STK4: variants seen among roughly 807,000 people sequenced by gnomAD.
STK4 encodes the protein serine/threonine kinase 4, also known as serine/threonine-protein kinase 4.
A neutral mutation model predicts 64.9 loss-of-function variants in STK4; 30 were observed. The ratio of observed to expected loss-of-function variants is 0.46; its 90% confidence interval spans 0.35 to 0.63. The LOEUF (loss-of-function observed/expected upper bound fraction) is 0.63, where lower values mean the gene tolerates loss of function less well. STK4 is among the 20% of genes least tolerant of loss of function. The pLI is 0.01. For missense variants in STK4, 466 were observed against 598.5 expected (o/e 0.78, Z 2.31); for synonymous variants, 177 against 199.0 (o/e 0.89, Z 0.93).
At chr20:45,008,907 A>C (rs551845493) in intron 9 of STK4, among the ~76,000 whole-genome samples, 8 of 151,482 alleles carry the variant, frequency 5.3e-5, no homozygotes, top group Non-Finnish European at 1.0e-4. Flanking sequence ...GATTTGTGTA[A>C]ATTTTTTTTT....
Position 44,966,545 on chromosome 20 carries a change from G to A in STK4, c.-24G>A. 1.6e-6 allele frequency: 2 copies of A among 1,265,776 alleles called. No homozygotes were observed. The highest frequency in any genetic ancestry group is 2.0e-6 in the Non-Finnish European group (2 of 996,148). The allele number at this position is 1,265,776 out of a possible 1,614,324, so 78.4% of individuals were successfully genotyped here. On this transcript the variant is annotated 5_prime_UTR_variant, in exon 1 of 11. Coordinates refer to ENST00000372806, the MANE Select transcript of STK4 (RefSeq NM_006282.5). ...CGCGGGAGGATGGAGCAGTGAGCGG[G>A]TCTGGGCGGCTGCTGGCAGCGCCAT...
intron 9 of STK4, among the ~76,000 whole-genome samples, chr20:45,006,753 C>T (rs1352693698): frequency 3.9e-5 from 6 of 152,088 alleles, no homozygotes; most frequent in African/African-American, 1.4e-4. Flanking sequence ...TGATTTTTTC[C>T]ACCTCTTACC....
At chr20:45,026,509 C>T (rs1369900181) in intron 10 of STK4, among the ~76,000 whole-genome samples, 2 of 151,674 alleles carry the variant, frequency 1.3e-5, no homozygotes, top group African/African-American at 2.4e-5. Flanking sequence ...TACAGAACAA[C>T]GAAGAAACAG....
intron 2 of STK4, among the ~76,000 whole-genome samples, chr20:44,977,376 T>C (rs1205150880): frequency 6.6e-6 from 1 of 152,204 alleles, no homozygotes; most frequent in Admixed American, 6.5e-5. Flanking sequence ...GTGGCACTGC[T>C]ATTTTGATTT....
intron 9 of STK4, among the ~76,000 whole-genome samples, chr20:45,002,672 C>T (rs1156352018): frequency 6.6e-6 from 1 of 152,096 alleles, no homozygotes; most frequent in Admixed American, 6.6e-5. Flanking sequence ...AATATAATGA[C>T]CCCTATAGAC....
At chr20:44,994,477 G>T (rs534803092) in intron 5 of STK4, among the ~76,000 whole-genome samples, 2 of 151,142 alleles carry the variant, frequency 1.3e-5, no homozygotes, top group African/African-American at 2.4e-5. Context: ...GCTAGGAAAA[G>T]GTATATATCT....
chr20:45,011,220 A>T (rs114640953), intron 9 of STK4, among the ~76,000 whole-genome samples: 3,816 of 152,228 alleles, frequency 0.025, 141 homozygotes, highest in African/African-American at 0.082. Flanking sequence ...TTGAAGTGAC[A>T]TGAGAGGGTC....
At chr20:44,983,528 G>T (rs1157865915) in intron 4 of STK4, among the ~76,000 whole-genome samples, 1 of 152,082 alleles carries the variant, frequency 6.6e-6, no homozygotes, top group African/African-American at 2.4e-5. Context: ...GGGTTGAAGT[G>T]GGAGGATTGC....
chr20:45,057,352 A>G (rs976595261), intron 10 of STK4, among the ~76,000 whole-genome samples: 2 of 152,230 alleles, frequency 1.3e-5, no homozygotes, highest in African/African-American at 2.4e-5. Flanking sequence ...GAGGTAACAC[A>G]CTATCCCTAT....
chr20:45,027,832 C>T (rs1015166658), intron 10 of STK4, among the ~76,000 whole-genome samples: 3 of 152,208 alleles, frequency 2.0e-5, no homozygotes, highest in African/African-American at 7.2e-5. Flanking sequence ...ACTTTTTTAG[C>T]TCCCACATGA....
intron 10 of STK4, among the ~76,000 whole-genome samples, chr20:45,026,694 A>T (rs1170319540): frequency 1.3e-5 from 2 of 152,192 alleles, no homozygotes; most frequent in Admixed American, 6.5e-5. Flanking sequence ...TTTAAAAGGT[A>T]TTATTCTAGT....
Position 44,966,561 on chromosome 20 carries a change from G to A in STK4, c.-8G>A. ...AGTGAGCGGGTCTGGGCGGCTGCTGGCAGCGCCATGGAGACGGTACAGCTG... is the reference window on the plus strand; with the variant it reads ...AGTGAGCGGGTCTGGGCGGCTGCTGACAGCGCCATGGAGACGGTACAGCTG... On this transcript the variant is annotated 5_prime_UTR_variant, in exon 1 of 11. Coordinates refer to ENST00000372806, the MANE Select transcript of STK4 (RefSeq NM_006282.5). 1 of 1,266,008 alleles carries A rather than the reference G, an allele frequency of 7.9e-7. No individual in the cohort carries two copies. The highest frequency in any genetic ancestry group is 1.0e-6 in the Non-Finnish European group (1 of 996,196). 78.4% of individuals were successfully genotyped at this position (1,266,008 alleles called of 1,614,324 possible).
intron 10 of STK4, among the ~76,000 whole-genome samples, chr20:45,042,579 G>A (rs114755515): frequency 6.6e-6 from 1 of 152,140 alleles, no homozygotes; most frequent in Non-Finnish European, 1.5e-5. Context: ...AACGCAATTA[G>A]CATCTTTTGT....
At chr20:45,058,053 TCACA>T (rs3044396) in intron 10 of STK4, among the ~76,000 whole-genome samples, 21,627 of 147,798 alleles carry the variant, frequency 0.15, 1,631 homozygotes, top group East Asian at 0.21. Flanking sequence ...AGTTTGAAGG[TCACA>T]CACACACACA....
Position 45,051,503 on chromosome 20 carries a change from G to C in STK4, c.1306-23515G>C, listed in dbSNP as rs115902035. Among the ~76,000 whole-genome samples, 1,448 of 152,210 alleles carry C rather than the reference G, an allele frequency of 9.5e-3. 30 individuals are homozygous for C. The highest frequency in any genetic ancestry group is 0.033 in the African/African-American group (1,368 of 41,524). On this transcript the variant is annotated intron_variant, in intron 10 of 10. Coordinates refer to ENST00000372806, the MANE Select transcript of STK4 (RefSeq NM_006282.5). The stretch of plus-strand genomic sequence containing the variant: ...TTTTTTCATGGTAGTTCAATAAGTG[G>C]TTACCAGGGGTCTTTCTTTGACAGT...
In STK4 at chr20:45,038,106, T is replaced by A. The variant is rs375235991; in HGVS notation, c.1305+12976T>A. Reference sequence around the variant, plus strand: ...ATTTCAAAGTGACTCTAAAAGTTAGTGCATATTCTTAAATTTACCAGCCTT... The same window carrying A: ...ATTTCAAAGTGACTCTAAAAGTTAGAGCATATTCTTAAATTTACCAGCCTT... On this transcript the variant is annotated intron_variant, in intron 10 of 10. Transcript: ENST00000372806. Among the ~76,000 whole-genome samples, 57 of 152,286 alleles carry A rather than the reference T, an allele frequency of 3.7e-4. No individual in the cohort carries two copies. The South Asian group carries it at 0.012, about 31-fold the overall frequency.
chr20:45,045,871 A>G (rs1036055080), intron 10 of STK4, among the ~76,000 whole-genome samples: 1 of 151,950 alleles, frequency 6.6e-6, no homozygotes, highest in Non-Finnish European at 1.5e-5. Flanking sequence ...CAGTGGCCCA[A>G]TCTCGGCTCA....
chr20:44,977,606 C>A (rs2067362543), intron 2 of STK4, among the ~76,000 whole-genome samples: 2 of 152,108 alleles, frequency 1.3e-5, no homozygotes, highest in Admixed American at 1.3e-4. Flanking sequence ...AATTCAGGTA[C>A]AACAAGGTTA....
chr20:44,968,746 A>G (rs531484430), intron 1 of STK4, among the ~76,000 whole-genome samples: 1 of 152,338 alleles, frequency 6.6e-6, no homozygotes, highest in South Asian at 2.1e-4. Context: ...TAAAAAATGT[A>G]TTAAAAGCAC....
Sources: allele counts gnomAD v4.1 joint callset (sites outside exome capture counted in the v4.1 genomes callset), GRCh38; gene constraint gnomAD v4.1.1; transcripts MANE v1.5; gene names NCBI Gene and HGNC (gene_info 2026-07-23, HGNC 2026-07-21).